The following POU2F2 variants were observed in gnomAD, a reference collection of about 807,000 sequenced individuals.
POU2F2 encodes the protein POU domain, class 2, transcription factor 2.
POU2F2 carries 14 observed loss-of-function variants against 63.5 expected under a neutral mutation model. That is an observed-to-expected ratio of 0.22 (90% CI 0.15 to 0.34). The LOEUF is 0.34. Ranked by LOEUF, POU2F2 falls within the 10% of genes least tolerant of loss-of-function variation. POU2F2 has a pLI of 1.00. For synonymous variants in POU2F2, 306 were observed against 348.6 expected (o/e 0.88, Z 1.36); for missense variants, 607 against 815.2 (o/e 0.74, Z 3.11).
Position 42,087,175 on chromosome 19 carries a change from G to C in POU2F2, c.*4082C>G, listed in dbSNP as rs1035820570. The C allele has an allele frequency of 2.2e-5, 3 of 139,360 alleles. No individual in the cohort carries two copies. The highest frequency in any genetic ancestry group is 4.6e-5 in the Non-Finnish European group (3 of 64,522). 8.6% of individuals were successfully genotyped at this position (139,360 alleles called of 1,614,324 possible). A position where few individuals can be genotyped will look rare whatever the true frequency, so the allele number is the denominator to read the frequency against. Reference sequence around the variant, plus strand: ...TTTTAAATGGTTAAATCTTTGGTTTGTTTCTTTTTTCTCTTGGAGGCCTTT... The same window carrying C: ...TTTTAAATGGTTAAATCTTTGGTTTCTTTCTTTTTTCTCTTGGAGGCCTTT... On this transcript the variant is annotated 3_prime_UTR_variant, in exon 15 of 15. Coordinates refer to ENST00000692977, the MANE Select transcript of POU2F2 (RefSeq NM_001394376.1).
chr19:42,097,494 C>T (rs1327402043), intron 7 of POU2F2, among the ~76,000 whole-genome samples: 3 of 147,926 alleles, frequency 2.0e-5, no homozygotes, highest in Non-Finnish European at 3.0e-5. Context: ...CTGCGCCCTG[C>T]CTTTTTTTTT....
Position 42,091,391 on chromosome 19 carries a change from T to C in POU2F2, c.1741A>G (p.Ile581Val). 6.5e-7 allele frequency: 1 copy of C among 1,544,356 alleles called. No individual in the cohort carries two copies. The highest frequency in any genetic ancestry group is 1.2e-5 in the South Asian group (1 of 84,030). The change falls in exon 15 of 15, where the codon ATC becomes GTC. Residue 581 changes from isoleucine (I) to valine (V), a missense_variant. Around this residue, in one of 7 missense-constraint regions of POU2F2, gnomAD observed 270 missense variants for 307.5 expected, o/e 0.88. Coordinates refer to ENST00000692977, the MANE Select transcript of POU2F2 (RefSeq NM_001394376.1). ...GAGAGGCCAGGAGACTTGCTGGAGA[T>C]GGAGGCTGCCACAGCCGCAGCCGCT... ...SAAAAAVAAS[I>V]SSKSPGLSSS... is the part of the protein sequence containing the mutation.
chr19:42,150,486 T>C (rs1208193707), intron 2 of POU2F2, among the ~76,000 whole-genome samples: 5 of 151,266 alleles, frequency 3.3e-5, no homozygotes, highest in Non-Finnish European at 5.9e-5. Flanking sequence ...AGGCTCACAT[T>C]TGGCATTCAG....
chr19:42,194,615 C>T lies in POU2F2; in HGVS notation c.-70+1768G>A, dbSNP rs574796400. Among the ~76,000 whole-genome samples the T allele has an allele frequency of 1.1e-4, 17 of 151,532 alleles. No individual in the cohort carries two copies. In the South Asian group the frequency reaches 3.3e-3, roughly 30 times the overall value. On this transcript the variant is annotated intron_variant, in intron 1 of 5. Coordinates refer to the POU2F2 transcript ENST00000532176. ...CTCTACTAAAAATATAAAAATTAGC[C>T]GAGTATGGTGGCACATGCCTGTAAT... is the stretch of plus-strand genomic sequence containing the variant.
At chr19:42,161,826 G>C (rs2034557036) in intron 1 of POU2F2, among the ~76,000 whole-genome samples, 2 of 152,274 alleles carry the variant, frequency 1.3e-5, no homozygotes, top group Admixed American at 6.5e-5. Context: ...CCGCTCAGGG[G>C]CTGCTTCCCC....
At chr19:42,174,717 C>G (rs569821402) in intron 1 of POU2F2, among the ~76,000 whole-genome samples, 1 of 152,098 alleles carries the variant, frequency 6.6e-6, no homozygotes, top group African/African-American at 2.4e-5. Flanking sequence ...CCGTCATGGT[C>G]TGACTCTGTA....
intron 2 of POU2F2, among the ~76,000 whole-genome samples, chr19:42,151,879 G>T (rs1228877360): frequency 6.6e-6 from 1 of 152,210 alleles, no homozygotes; most frequent in Non-Finnish European, 1.5e-5. Context: ...AGCCAGAAGA[G>T]AAAAAGTCTA....
chr19:42,132,709 C>T (rs1017519076), upstream of POU2F2: 1 of 373,452 alleles, frequency 2.7e-6, no homozygotes. Flanking sequence ...ACTTCTGTCG[C>T]CCCCATGGAG....
intron 4 of POU2F2, among the ~76,000 whole-genome samples, chr19:42,119,873 C>T (rs2146599380): frequency 6.6e-6 from 1 of 152,256 alleles, no homozygotes; most frequent in South Asian, 2.1e-4. Flanking sequence ...CTGATTGGTG[C>T]TTGAATGTCT....
chr19:42,151,092 G>C (rs1247600946), intron 2 of POU2F2, among the ~76,000 whole-genome samples: 1 of 152,234 alleles, frequency 6.6e-6, no homozygotes, highest in East Asian at 1.9e-4. Flanking sequence ...GGAGCCATTT[G>C]GCTGATGGTC....
upstream of POU2F2, among the ~76,000 whole-genome samples, chr19:42,135,360 G>C (rs1167696748): frequency 2.0e-5 from 3 of 152,044 alleles, no homozygotes; most frequent in Non-Finnish European, 4.4e-5. Context: ...AGCACACGGG[G>C]CTTCAGCAGC....
chr19:42,103,734 G>C (rs570118352), intron 5 of POU2F2, among the ~76,000 whole-genome samples: 1 of 144,764 alleles, frequency 6.9e-6, no homozygotes, highest in African/African-American at 2.6e-5. Flanking sequence ...CCAGGTTCAC[G>C]CCATTCTCCT....
At position 42,095,949 on chromosome 19, in the gene POU2F2, A is replaced by G. The variant is rs368195431; in HGVS notation, c.730-20T>C. Reference sequence around the variant, plus strand: ...ATCACCCTGGGCCAGTGGGGCGGGGAAGGGCCCGAAGTCAGGGTGGGGCCT... The same window carrying G: ...ATCACCCTGGGCCAGTGGGGCGGGGGAGGGCCCGAAGTCAGGGTGGGGCCT... On this transcript the variant is annotated intron_variant, in intron 8 of 14. Transcript: ENST00000692977. The surrounding 1 kb of genome is among the most constrained non-coding windows in gnomAD (Gnocchi z 7.1). 1.2e-6 allele frequency: 2 copies of G among 1,609,316 alleles called. No homozygotes were observed. Among genetic ancestry groups the G allele is most frequent in the Non-Finnish European group, 1.7e-6 (2 of 1,177,554 alleles).
intron 1 of POU2F2, among the ~76,000 whole-genome samples, chr19:42,195,329 TC>T (rs370223313): frequency 2.8e-5 from 4 of 141,902 alleles, no homozygotes; most frequent in Non-Finnish European, 6.0e-5. Flanking sequence ...TCCCTCTTTT[TC>T]TTTTTTTTTT....
intron 2 of POU2F2, among the ~76,000 whole-genome samples, chr19:42,144,034 A>T (rs74320731): frequency 0.02 from 3,094 of 152,234 alleles, 74 homozygotes; most frequent in Middle Eastern, 0.071. Flanking sequence ...GTGTCCCATT[A>T]TGTCTCATCC....
chr19:42,171,935 G>A (rs1480423608), intron 1 of POU2F2, among the ~76,000 whole-genome samples: 1 of 152,110 alleles, frequency 6.6e-6, no homozygotes, highest in Non-Finnish European at 1.5e-5. Flanking sequence ...ACGTTGTCAC[G>A]AGATGCATGT....
chr19:42,127,114 TA>T lies in POU2F2; in HGVS notation c.29-4539del, dbSNP rs558858219. ...CTGTGCACCACCACATCCAGCTAAT[TA>T]AAAAAAAAATTTTTTTTTTTTGTAG... is the stretch of plus-strand genomic sequence containing the variant. On this transcript the variant is annotated intron_variant, in intron 1 of 14. Coordinates refer to ENST00000692977, the MANE Select transcript of POU2F2 (RefSeq NM_001394376.1). Among the ~76,000 whole-genome samples, 22 of 150,814 alleles carry T rather than the reference TA, an allele frequency of 1.5e-4. No homozygotes were observed. The South Asian group carries it at 2.7e-3, about 19-fold the overall frequency.
chr19:42,099,895 C>G (rs894796464), intron 5 of POU2F2, 74 bp from the exon 6 acceptor site: 1 of 1,226,996 alleles, frequency 8.1e-7, no homozygotes, highest in Non-Finnish European at 1.2e-6. Context: ...ATCACCTGAA[C>G]CTTGAGGGGC....
rs557150534 is a variant in POU2F2, at chr19:42,116,889, G to T, written c.369+361C>A. 16 of 475,382 alleles carry T rather than the reference G, an allele frequency of 3.4e-5. No homozygotes were observed. The Admixed American group carries it at 3.8e-4, about 11-fold the overall frequency. 29.4% of individuals were successfully genotyped at this position (475,382 alleles called of 1,614,324 possible). A position where few individuals can be genotyped will look rare whatever the true frequency, so the allele number is the denominator to read the frequency against. ...AGGAGGAGGCGGAGGCGGCGGCGGC[G>T]GCGGCAGCGGCGTTAGCGGCAGCGG... On this transcript the variant is annotated intron_variant, in intron 5 of 14. Transcript: ENST00000692977.
Sources: allele counts gnomAD v4.1 joint callset (sites outside exome capture counted in the v4.1 genomes callset), GRCh38; gene constraint gnomAD v4.1.1; regional missense constraint gnomAD v4.1.1; non-coding constraint Gnocchi (gnomAD v3.1); transcripts MANE v1.5; gene names NCBI Gene and HGNC (gene_info 2026-07-23, HGNC 2026-07-21).